Variants in ACSM3 observed in about 807,000 individuals in gnomAD.
ACSM3 encodes the protein acyl-CoA synthetase medium chain family member 3.
In ACSM3, 61 loss-of-function variants were observed where a neutral mutation model predicts 74.1. The ratio of observed to expected loss-of-function variants is 0.82; its 90% confidence interval spans 0.67 to 1.02. The LOEUF (loss-of-function observed/expected upper bound fraction) is 1.02. Ranked by LOEUF, ACSM3 falls within the 50% of genes least tolerant of loss-of-function variation. ACSM3 has a pLI of 0.00. For synonymous variants in ACSM3, 213 were observed against 241.5 expected (o/e 0.88, Z 1.09); for missense variants, 660 against 697.0 (o/e 0.95, Z 0.60).
At chr16:20,737,293 CA>C (rs761053683) in intron 1 of ACSM3, 7 of 1,595,324 alleles carry the variant, frequency 4.4e-6, no homozygotes, top group Admixed American at 3.5e-5. Context: ...ATTCCTGTAA[CA>C]AAAACAGAAA....
chr16:20,718,498 G>A (rs2079773725), intron 1 of ACSM3: 2 of 342,548 alleles, frequency 5.8e-6, no homozygotes, highest in Non-Finnish European at 1.0e-5. Context: ...TGGAAGGTAG[G>A]GAAGAAAACT....
In ACSM3 at chr16:20,796,897, T is replaced by C. The variant is rs148726501; in HGVS notation, c.1686T>C (p.Ile562=). ...CTTGATGCCAACAGGTAGAATTTAT[T>C]CAAGAGCTGCCAAAGACTATCAGTG... ...PYKYPRKVEF[I]QELPKTISGK... Residue 562 remains isoleucine (I), a synonymous_variant, in exon 14 of 14, where the codon ATT becomes ATC. Transcript: ENST00000289416. 14 of 1,612,180 alleles carry C rather than the reference T, an allele frequency of 8.7e-6. No individual in the cohort carries two copies. The African/African-American group carries it at 1.7e-4, about 20-fold the overall frequency.
At chr16:20,703,517 A>T (rs1282194026) in intron 1 of ACSM3, 2 of 151,780 alleles carry the variant, frequency 1.3e-5, no homozygotes, top group Non-Finnish European at 2.9e-5. Context: ...CTCCTTGAAG[A>T]TGTCCTTCGC....
Position 20,789,684 on chromosome 16 carries a change from CTTTTTTTTTT to C in ACSM3, c.1225-893_1225-884del, listed in dbSNP as rs561663756. On this transcript the variant is annotated intron_variant, in intron 9 of 13. Transcript: ENST00000289416. ...TATATTATAAAGCAACTCTATTTTT[CTTTTTTTTTT>C]TTTTTTTTTGAGATGGAGTTTCACT... The C allele has an allele frequency of 2.0e-5, 9 of 446,580 alleles. No individual in the cohort carries two copies. In the African/African-American group the frequency reaches 2.1e-4, roughly 11 times the overall value. The allele number at this position is 446,580 out of a possible 1,614,324, so 27.7% of individuals were successfully genotyped here.
At chr16:20,737,480 T>C (rs1203638715) in intron 1 of ACSM3, among the ~76,000 whole-genome samples, 1 of 152,240 alleles carries the variant, frequency 6.6e-6, no homozygotes, top group Non-Finnish European at 1.5e-5. Flanking sequence ...TAAGAATTTT[T>C]TTCCAAACAA....
intron 1 of ACSM3, chr16:20,697,519 A>T (rs1045814008): frequency 6.6e-6 from 1 of 151,602 alleles, no homozygotes; most frequent in African/African-American, 2.4e-5. Flanking sequence ...AAGGTCACTC[A>T]ACTTAAAAGT....
At chr16:20,675,889 C>T (rs2020246904) in intron 1 of ACSM3, among the ~76,000 whole-genome samples, 1 of 152,172 alleles carries the variant, frequency 6.6e-6, no homozygotes. Flanking sequence ...AAGGTAAAGT[C>T]ACAGAGGCTT....
intron 1 of ACSM3, among the ~76,000 whole-genome samples, chr16:20,689,180 T>A (rs1172696250): frequency 2.0e-5 from 3 of 151,792 alleles, no homozygotes; most frequent in Non-Finnish European, 4.4e-5. Flanking sequence ...CCTTATAATG[T>A]CATGGGAGTA....
rs1388429920 is a variant in ACSM3 at position 20,698,860 on chromosome 16, G to A, written c.-190+24038G>A. The A allele has an allele frequency of 4.6e-5, 7 of 152,128 alleles. No individual in the cohort carries two copies. The East Asian group carries it at 1.2e-3, about 25-fold the overall frequency. 9.4% of individuals were successfully genotyped at this position (152,128 alleles called of 1,614,324 possible). ...ATAACAACAATACCTACCTCCCAGG[G>A]TGTTTTCTTTGCTTCTTCATTTGTT... On this transcript the variant is annotated intron_variant, in intron 1 of 3. Coordinates refer to the ACSM3 transcript ENST00000561584.
intron 1 of ACSM3, chr16:20,682,059 T>G: frequency 1.8e-6 from 1 of 549,994 alleles, no homozygotes; most frequent in South Asian, 2.1e-5. Flanking sequence ...TGCACAGATC[T>G]CCCCTCTCAC....
chr16:20,771,499 T>C (rs531016665), intron 2 of ACSM3, among the ~76,000 whole-genome samples: 19 of 151,886 alleles, frequency 1.3e-4, no homozygotes, highest in Non-Finnish European at 2.2e-4. Context: ...TATCTTTCCG[T>C]GTCTGACTTA....
At chr16:20,745,578 AAAATAAATAAATAAAT>A (rs55894266) in intron 1 of ACSM3, among the ~76,000 whole-genome samples, 26 of 150,562 alleles carry the variant, frequency 1.7e-4, no homozygotes, top group Non-Finnish European at 3.1e-4. Context: ...ACTCTGTCTC[AAAATAAATAAATAAAT>A]AAATAAATAA....
At chr16:20,708,349 A>G (rs1327684376) in intron 1 of ACSM3, among the ~76,000 whole-genome samples, 2 of 152,162 alleles carry the variant, frequency 1.3e-5, no homozygotes, top group Non-Finnish European at 2.9e-5. Flanking sequence ...GCAGTGCACA[A>G]TTATTTTTTA....
chr16:20,677,180 A>G lies in ACSM3; in HGVS notation c.-190+2358A>G, dbSNP rs183227802. Among the ~76,000 whole-genome samples, 13 of 151,820 alleles carry G rather than the reference A, an allele frequency of 8.6e-5. No homozygotes were observed. In the East Asian group the frequency reaches 1.7e-3, roughly 20 times the overall value. On this transcript the variant is annotated intron_variant, in intron 1 of 3. Coordinates refer to the ACSM3 transcript ENST00000561584. ...AAGCCACAAAGAGAAGGAAAGAAAG[A>G]GCCCCTCCTCTAGGAGGCTAACCAG...
At chr16:20,787,300 G>A (rs1052547082) in intron 9 of ACSM3, among the ~76,000 whole-genome samples, 2 of 152,206 alleles carry the variant, frequency 1.3e-5, no homozygotes, top group African/African-American at 4.8e-5. Context: ...GGTTTCAACT[G>A]AATGGTTATC....
At chr16:20,726,452 C>G (rs2079806423) in intron 1 of ACSM3, among the ~76,000 whole-genome samples, 1 of 152,200 alleles carries the variant, frequency 6.6e-6, no homozygotes, top group Non-Finnish European at 1.5e-5. Context: ...TCTTCTCTTT[C>G]CCTAGTCAGT....
At chr16:20,750,093 A>C (rs2079978402) in intron 2 of ACSM3, 1 of 152,252 alleles carries the variant, frequency 6.6e-6, no homozygotes, top group Admixed American at 6.5e-5. Flanking sequence ...GAATCATTCC[A>C]AAAGGTCATT....
chr16:20,790,859 T>C lies in ACSM3; in HGVS notation c.1326+171T>C. ...GAAATTGAAGAAATACCCAAATTCT[T>C]GCTGAAGAAAAGCATGCTGGTCCCC... On this transcript the variant is annotated intron_variant, in intron 10 of 13. Coordinates refer to ENST00000289416, the MANE Select transcript of ACSM3 (RefSeq NM_005622.4). The surrounding 1 kb of genome is among the most constrained non-coding windows in gnomAD (Gnocchi z 4.0). 1 of 1,614,072 alleles carries C rather than the reference T, an allele frequency of 6.2e-7. No individual in the cohort carries two copies. The highest frequency in any genetic ancestry group is 8.5e-7 in the Non-Finnish European group (1 of 1,179,964).
intron 4 of ACSM3, chr16:20,780,349 G>C: frequency 2.5e-6 from 1 of 402,308 alleles, no homozygotes; most frequent in Non-Finnish European, 4.5e-6. Context: ...AGCATCCATA[G>C]GGGAGGGAAG....
Sources: gnomAD v4.1 joint callset for allele counts (sites outside exome capture counted in the v4.1 genomes callset) on GRCh38, gnomAD v4.1.1 for gene constraint, Gnocchi (gnomAD v3.1) non-coding constraint, MANE v1.5 for transcripts, NCBI Gene and HGNC (gene_info 2026-07-23, HGNC 2026-07-21) for gene names.